Variants in KCNH5 observed in about 807,000 individuals in gnomAD.
KCNH5 encodes the protein voltage-gated delayed rectifier potassium channel KCNH5.
Under a neutral mutation model 96.1 loss-of-function variants are expected in KCNH5, and 46 were observed. That is an observed-to-expected ratio of 0.48 (90% CI 0.38 to 0.61). The LOEUF is 0.61. KCNH5 is among the 20% of genes least tolerant of loss of function. The pLI is 0.00. For missense variants in KCNH5, 907 were observed against 1,225.8 expected (o/e 0.74, Z 3.88); for synonymous variants, 439 against 449.8 (o/e 0.98, Z 0.30).
intron 10 of KCNH5, among the ~76,000 whole-genome samples, chr14:62,725,096 T>G (rs1209552805): frequency 6.6e-6 from 1 of 152,246 alleles, no homozygotes; most frequent in Non-Finnish European, 1.5e-5. Context: ...AAGATCTTTA[T>G]ATAATTGTTA....
intron 10 of KCNH5, among the ~76,000 whole-genome samples, chr14:62,736,525 G>A (rs551449178): frequency 1.8e-4 from 27 of 151,896 alleles, no homozygotes; most frequent in Non-Finnish European, 2.8e-4. Context: ...AAGACATGCC[G>A]GCCCCAAGAT....
intron 1 of KCNH5, among the ~76,000 whole-genome samples, chr14:63,039,641 A>T (rs185370886): frequency 1.3e-5 from 2 of 152,216 alleles, no homozygotes; most frequent in East Asian, 3.9e-4. Flanking sequence ...TTTATCTGCT[A>T]AAGAAAATGC....
intron 8 of KCNH5, among the ~76,000 whole-genome samples, chr14:62,834,542 C>A (rs527913423): frequency 1.3e-5 from 2 of 151,856 alleles, no homozygotes; most frequent in South Asian, 2.1e-4. Context: ...TGAAGAAAAC[C>A]AAGGCAGGCA....
At chr14:62,731,092 G>A (rs925458026) in intron 10 of KCNH5, among the ~76,000 whole-genome samples, 6 of 152,082 alleles carry the variant, frequency 3.9e-5, no homozygotes, top group Non-Finnish European at 7.4e-5. Context: ...CTTGAGGTCA[G>A]GAGTTCAAGA....
chr14:63,043,276 T>C (rs1212316489), intron 1 of KCNH5, among the ~76,000 whole-genome samples: 1 of 152,180 alleles, frequency 6.6e-6, no homozygotes, highest in Admixed American at 6.5e-5. Flanking sequence ...TCTTTCTCTT[T>C]ATAAAGCAGA....
chr14:62,885,953 G>T (rs1347935714), intron 7 of KCNH5, among the ~76,000 whole-genome samples: 1 of 152,120 alleles, frequency 6.6e-6, no homozygotes, highest in Non-Finnish European at 1.5e-5. Context: ...GGTCTGTGAG[G>T]AAAATATTTA....
intron 10 of KCNH5, among the ~76,000 whole-genome samples, chr14:62,744,336 G>A (rs560790511): frequency 3.3e-5 from 5 of 152,078 alleles, no homozygotes; most frequent in Non-Finnish European, 5.9e-5. Context: ...TTCTCTGAAG[G>A]ACATGTAAGA....
rs112934973 is a variant in KCNH5, at chr14:63,011,891, C to G, written c.197+4940G>C. Among the ~76,000 whole-genome samples, 274 of 152,224 alleles carry G rather than the reference C, an allele frequency of 1.8e-3. 1 individual carries two copies. Among genetic ancestry groups the G allele is most frequent in the African/African-American group, 6.4e-3 (265 of 41,524 alleles). On this transcript the variant is annotated intron_variant, in intron 2 of 10. Transcript: ENST00000322893. ...CCCAATAAACTGTTTCTTAATAGCT[C>G]TGACTCATTGTCTAACTTGATGGGG...
Position 62,700,916 on chromosome 14 carries a change from G to A in KCNH5, c.*6592C>T, listed in dbSNP as rs573923256. On this transcript the variant is annotated 3_prime_UTR_variant, in exon 11 of 11. Coordinates refer to ENST00000322893, the MANE Select transcript of KCNH5 (RefSeq NM_139318.5). Reference sequence around the variant, plus strand: ...ATGGAGAGTCTGACCAAAAGCTTTGGATAGAGGGAAGTGGTTACATTTTAT... The same window carrying A: ...ATGGAGAGTCTGACCAAAAGCTTTGAATAGAGGGAAGTGGTTACATTTTAT... 6.6e-6 allele frequency: 1 copy of A among 152,174 alleles called. No homozygotes were observed. Among genetic ancestry groups the A allele is most frequent in the Non-Finnish European group, 1.5e-5 (1 of 68,000 alleles). The allele number at this position is 152,174 out of a possible 1,614,324, so 9.4% of individuals were successfully genotyped here.
chr14:62,838,315 C>T (rs549746499), intron 8 of KCNH5, among the ~76,000 whole-genome samples: 1 of 152,268 alleles, frequency 6.6e-6, no homozygotes, highest in South Asian at 2.1e-4. Flanking sequence ...TGCACTACCT[C>T]TGATTCATAC....
chr14:63,016,254 T>C (rs1265471260), intron 2 of KCNH5, among the ~76,000 whole-genome samples: 2 of 152,020 alleles, frequency 1.3e-5, no homozygotes, highest in African/African-American at 4.8e-5. Flanking sequence ...ATCCCCTTTT[T>C]TCTTAATATT....
At chr14:62,799,312 GAC>G (rs1886600600) in intron 9 of KCNH5, among the ~76,000 whole-genome samples, 1 of 151,866 alleles carries the variant, frequency 6.6e-6, no homozygotes, top group South Asian at 2.1e-4. Flanking sequence ...CGCGGTGGCT[GAC>G]ACCTGTAATC....
Position 62,707,469 on chromosome 14 carries a change from T to C in KCNH5, c.*39A>G. 3 of 1,061,346 alleles carry C rather than the reference T, an allele frequency of 2.8e-6. No homozygotes were observed. Among genetic ancestry groups the C allele is most frequent in the African/African-American group, 1.6e-5 (1 of 61,184 alleles). 65.7% of individuals were successfully genotyped at this position (1,061,346 alleles called of 1,614,324 possible). A position where few individuals can be genotyped will look rare whatever the true frequency, so the allele number is the denominator to read the frequency against. The stretch of plus-strand genomic sequence containing the variant: ...TACTGTATATACACACATATGTATA[T>C]ACTGTTTTAATATATTAACAAATAT... On this transcript the variant is annotated 3_prime_UTR_variant, in exon 11 of 11. Coordinates refer to ENST00000322893, the MANE Select transcript of KCNH5 (RefSeq NM_139318.5).
intron 9 of KCNH5, among the ~76,000 whole-genome samples, chr14:62,796,287 C>T (rs1886539383): frequency 6.6e-6 from 1 of 152,170 alleles, no homozygotes; most frequent in South Asian, 2.1e-4. Flanking sequence ...GCTAGGATTA[C>T]AGGCATGAGC....
At chr14:62,953,763 TTGGTCATGATTTCC>T (rs1890050182) in intron 6 of KCNH5, among the ~76,000 whole-genome samples, 1 of 152,146 alleles carries the variant, frequency 6.6e-6, no homozygotes, top group Admixed American at 6.6e-5. Context: ...ATAGACATGT[TTGGTCATGATTTCC>T]TGGTTTTTTC....
chr14:62,879,576 C>T (rs1888451405), intron 7 of KCNH5, among the ~76,000 whole-genome samples: 2 of 151,994 alleles, frequency 1.3e-5, no homozygotes, highest in Admixed American at 6.6e-5. Flanking sequence ...GTAATTTAGG[C>T]ATATTTCAAG....
intron 10 of KCNH5, among the ~76,000 whole-genome samples, chr14:62,766,282 A>T (rs566955737): frequency 6.6e-6 from 1 of 152,172 alleles, no homozygotes; most frequent in Non-Finnish European, 1.5e-5. Flanking sequence ...TCCTCAAAAA[A>T]CTAAAAACAG....
intron 1 of KCNH5, among the ~76,000 whole-genome samples, chr14:63,026,929 G>T (rs905014656): frequency 6.6e-6 from 1 of 152,052 alleles, no homozygotes; most frequent in African/African-American, 2.4e-5. Context: ...ACTATTTACA[G>T]TAGCTAAGAT....
chr14:62,861,602 T>C (rs1242793994), intron 7 of KCNH5, among the ~76,000 whole-genome samples: 1 of 149,940 alleles, frequency 6.7e-6, no homozygotes, highest in African/African-American at 2.5e-5. Flanking sequence ...TATGTTAAGT[T>C]AGGAAAAGGC....
Sources: gnomAD v4.1 joint callset for allele counts (sites outside exome capture counted in the v4.1 genomes callset) on GRCh38, gnomAD v4.1.1 for gene constraint, MANE v1.5 for transcripts, NCBI Gene and HGNC (gene_info 2026-07-23, HGNC 2026-07-21) for gene names.